Variants in AGAP2 observed in about 807,000 individuals in gnomAD.
AGAP2 encodes the protein arf-GAP with GTPase, ANK repeat and PH domain-containing protein 2.
A neutral mutation model predicts 110.9 loss-of-function variants in AGAP2; 32 were observed. That is an observed-to-expected ratio of 0.29 (90% CI 0.22 to 0.39). The LOEUF is 0.39. AGAP2 is among the 10% of genes least tolerant of loss of function. The probability of loss-of-function intolerance (pLI) is 1.00; values close to 1 mark genes in which losing one functional copy is unlikely to be tolerated. For synonymous variants in AGAP2, 702 were observed against 713.0 expected (o/e 0.98, Z 0.25); for missense variants, 1,285 against 1,638.5 (o/e 0.78, Z 3.72).
Position 57,734,635 on chromosome 12 carries a change from G to A in AGAP2, c.1272C>T (p.His424=). ...CCTGGTATGAGCCAGTCAGGAATCG[G>A]TGGATGAGCGATGACTTCCCACTCC... The part of the protein sequence containing the change: ...DARSGKSSLI[H]RFLTGSYQVL... Residue 424 remains histidine, a synonymous_variant, in exon 3 of 19, where the codon CAC becomes CAT. Transcript: ENST00000547588. 2 of 1,614,194 alleles carry A rather than the reference G, an allele frequency of 1.2e-6. No homozygotes were observed. Among genetic ancestry groups the A allele is most frequent in the East Asian group, 2.2e-5 (1 of 44,886 alleles).
At chr12:57,741,730 G>A (rs1253831441), upstream of AGAP2, among the ~76,000 whole-genome samples, 1 of 152,152 alleles carries the variant, frequency 6.6e-6, no homozygotes, top group Non-Finnish European at 1.5e-5. Flanking sequence ...ATCAGAGCAG[G>A]GAAAGAGAAA....
At position 57,731,674 on chromosome 12, in the gene AGAP2, G is replaced by A. The variant is rs752554800; in HGVS notation, c.1954-32C>T. ...TGGTTATTGGAATCAGTTTGAGGAT[G>A]GATAGAGGGATACACTGATGTGACG... On this transcript the variant is annotated intron_variant, in intron 8 of 18. Transcript: ENST00000547588. 2.5e-6 allele frequency: 4 copies of A among 1,612,898 alleles called. No homozygotes were observed. In the East Asian group the frequency reaches 6.7e-5, roughly 27 times the overall value.
intron 13 of AGAP2, 61 bp from the exon 14 acceptor site, chr12:57,728,438 C>T: frequency 6.4e-7 from 1 of 1,558,648 alleles, no homozygotes; most frequent in Middle Eastern, 1.7e-4. Context: ...GAAAGAGAGA[C>T]CAAGAAAGAA....
At chr12:57,728,527 G>C in intron 13 of AGAP2, 150 bp from the exon 14 acceptor site, 1 of 821,436 alleles carries the variant, frequency 1.2e-6, no homozygotes, top group East Asian at 2.6e-5. Flanking sequence ...AGACAGATGG[G>C]GAGAGAAAGC....
chr12:57,737,969 A>C lies in AGAP2; in HGVS notation c.278T>G (p.Leu93Arg). ...AGTGGAEPPA[L>R]SPAPASPARP... is the part of the protein sequence containing the mutation. ...GGCCGGACTGGCCGGAGCCGGGGACAGGGCTGGGGGCTCCGCGCCCCCGGT... is the reference window on the plus strand; with the variant it reads ...GGCCGGACTGGCCGGAGCCGGGGACCGGGCTGGGGGCTCCGCGCCCCCGGT... Residue 93 changes from leucine (L) to arginine (R), a missense_variant, in exon 1 of 19, where the codon CTG becomes CGG. Leu to Arg is a moderately radical substitution (Grantham distance 102, BLOSUM62 -2). Coordinates refer to ENST00000547588, the MANE Select transcript of AGAP2 (RefSeq NM_001122772.3). The surrounding 1 kb of genome is among the most constrained non-coding windows in gnomAD (Gnocchi z 5.9). The C allele has an allele frequency of 7.1e-7, 1 of 1,411,466 alleles. No individual in the cohort carries two copies. Among genetic ancestry groups the C allele is most frequent in the Non-Finnish European group, 9.2e-7 (1 of 1,092,248 alleles). The allele number at this position is 1,411,466 out of a possible 1,614,324, so 87.4% of individuals were successfully genotyped here. A position where few individuals can be genotyped will look rare whatever the true frequency, so the allele number is the denominator to read the frequency against.
At chr12:57,733,986 G>A (rs773665670) in intron 5 of AGAP2, 40 bp downstream of exon 5, 2 of 1,526,008 alleles carry the variant, frequency 1.3e-6, no homozygotes, top group Non-Finnish European at 1.8e-6. Context: ...GCCTCCTTAG[G>A]GCCTCCCTTG....
In AGAP2 at chr12:57,727,161, G is replaced by C. The variant is rs755112486; in HGVS notation, c.3149C>G (p.Ser1050Trp). The C allele has an allele frequency of 2.5e-6, 4 of 1,607,800 alleles. No homozygotes were observed. In the Admixed American group the frequency reaches 6.8e-5, roughly 27 times the overall value. The change falls in exon 18 of 19, where the codon TCG becomes TGG. Residue 1050 changes from serine (S) to tryptophan (W), a missense_variant. By Grantham distance (177) the Ser-to-Trp change is radical (BLOSUM62 -3). This residue lies in a region of AGAP2 where 201 missense variants were observed against 276.1 expected (regional missense o/e 0.73). Transcript: ENST00000547588. ...QLLFLAPLST[S>W]EEPLGRQLWA... is the part of the protein sequence containing the mutation. ...CAGCTGGCGGCCCAGCGGCTCCTCCGAGGTGCTCAGCGGCGCCAGGAACAG... is the reference window on the plus strand; with the variant it reads ...CAGCTGGCGGCCCAGCGGCTCCTCCCAGGTGCTCAGCGGCGCCAGGAACAG...
rs1954764376 is a variant in AGAP2 at position 57,726,498 on chromosome 12, G to T, written c.*54C>A. On this transcript the variant is annotated 3_prime_UTR_variant, in exon 19 of 19. Transcript: ENST00000547588. This position sits in a 1 kb window ranked among gnomAD's most constrained non-coding sequence, Gnocchi z 5.7. Reference sequence around the variant, plus strand: ...GGTGCGTCTGTCCAGCGGTCCGCCCGGTGTGGTCGTGCCCGGCCCGCGTGG... The same window carrying T: ...GGTGCGTCTGTCCAGCGGTCCGCCCTGTGTGGTCGTGCCCGGCCCGCGTGG... 7.7e-6 allele frequency: 9 copies of T among 1,175,326 alleles called. No individual in the cohort carries two copies. The highest frequency in any genetic ancestry group is 8.3e-5 in the South Asian group (2 of 24,024). The allele number at this position is 1,175,326 out of a possible 1,614,324, so 72.8% of individuals were successfully genotyped here. A position where few individuals can be genotyped will look rare whatever the true frequency, so the allele number is the denominator to read the frequency against.
At chr12:57,729,043 G>A (rs1468608977) in intron 13 of AGAP2, among the ~76,000 whole-genome samples, 1 of 151,942 alleles carries the variant, frequency 6.6e-6, no homozygotes, top group Admixed American at 6.6e-5. Context: ...GGGCATGGTG[G>A]CAAGTGCCTG....
chr12:57,726,562 G>A lies in AGAP2; in HGVS notation c.3569C>T (p.Ala1190Val). Reference sequence around the variant, plus strand: ...TCTCCCGCTGGGCAACTATACCAGCGCAACCGGGGCGTCGGCGCGGCCCAC... The same window carrying A: ...TCTCCCGCTGGGCAACTATACCAGCACAACCGGGGCGTCGGCGCGGCCCAC... ...ASVGRADAPV[A>V]LV Residue 1190 changes from alanine (A) to valine (V), a missense_variant, in exon 19 of 19, where the codon GCG (alanine) becomes GTG (valine). Ala to Val is a moderately conservative substitution (Grantham distance 64). Coordinates refer to ENST00000547588, the MANE Select transcript of AGAP2 (RefSeq NM_001122772.3). The surrounding 1 kb of genome is among the most constrained non-coding windows in gnomAD (Gnocchi z 5.7). The A allele has an allele frequency of 8.3e-7, 1 of 1,211,286 alleles. No individual in the cohort carries two copies. The highest frequency in any genetic ancestry group is 3.5e-5 in the East Asian group (1 of 28,934). The allele number at this position is 1,211,286 out of a possible 1,614,324, so 75.0% of individuals were successfully genotyped here.
chr12:57,731,512 A>C, intron 9 of AGAP2, 42 bp from the exon 10 acceptor site: 3 of 1,613,936 alleles, frequency 1.9e-6, no homozygotes, highest in Non-Finnish European at 2.5e-6. Flanking sequence ...AAAGCCAACT[A>C]AGACCAGCTG....
In AGAP2 at chr12:57,737,533, G is replaced by A; in HGVS notation, c.714C>T (p.Ala238=). Residue 238 remains alanine (A), a synonymous_variant, in exon 1 of 19, where the codon GCC becomes GCT. Coordinates refer to ENST00000547588, the MANE Select transcript of AGAP2 (RefSeq NM_001122772.3). The surrounding 1 kb of genome is among the most constrained non-coding windows in gnomAD (Gnocchi z 5.9). ...AGTGASVSAA[A]TAAAAGGGGS... is the part of the protein sequence containing the mutation. ...CCCCTCCCCCGGCGGCGGCGGCGGT[G>A]GCGGCGGCAGAGACCGAAGCTCCAG... The A allele has an allele frequency of 1.9e-6, 3 of 1,561,418 alleles. No homozygotes were observed. The highest frequency in any genetic ancestry group is 2.6e-6 in the Non-Finnish European group (3 of 1,153,364).
chr12:57,733,120 G>A, intron 5 of AGAP2, 141 bp from the exon 6 acceptor site: 1 of 1,129,884 alleles, frequency 8.9e-7, no homozygotes, highest in Non-Finnish European at 1.3e-6. Flanking sequence ...CTGTGACCAG[G>A]TGGAATGGGA....
chr12:57,728,202 A>G (rs537887371), intron 14 of AGAP2, 116 bp downstream of exon 14: 6 of 1,507,504 alleles, frequency 4.0e-6, no homozygotes, highest in South Asian at 1.2e-5. Context: ...CAGTGGGGGT[A>G]GGGAAAGCAG....
At chr12:57,741,277 A>T (rs1388552388), upstream of AGAP2, among the ~76,000 whole-genome samples, 1 of 152,088 alleles carries the variant, frequency 6.6e-6, no homozygotes, top group East Asian at 1.9e-4. Context: ...GGCACTAAGG[A>T]GGTAGAGCGG....
At position 57,727,070 on chromosome 12, in the gene AGAP2, C is replaced by T. The variant is rs757551427; in HGVS notation, c.3240G>A (p.Gly1080=). 48 of 1,597,150 alleles carry T rather than the reference C, an allele frequency of 3.0e-5. No individual in the cohort carries two copies. Among genetic ancestry groups the T allele is most frequent in the Non-Finnish European group, 3.6e-5 (42 of 1,172,850 alleles). ...VLLLLAHARH[G]PLDTSVEDPQ... Reference sequence around the variant, plus strand: ...GGTCCTCTACGCTGGTGTCGAGCGGCCCGTGTCGCGCATGGGCCAAAAGCA... The same window carrying T: ...GGTCCTCTACGCTGGTGTCGAGCGGTCCGTGTCGCGCATGGGCCAAAAGCA... Residue 1080 remains glycine, a synonymous_variant, in exon 18 of 19, where the codon GGG becomes GGA. Coordinates refer to ENST00000547588, the MANE Select transcript of AGAP2 (RefSeq NM_001122772.3).
upstream of AGAP2, chr12:57,741,863 A>C (rs1396800893): frequency 6.3e-7 from 1 of 1,592,432 alleles, no homozygotes; most frequent in Non-Finnish European, 8.6e-7. Flanking sequence ...CCTTCTATGC[A>C]CCTGCTAGTC....
At chr12:57,733,245 G>A (rs981610145) in intron 5 of AGAP2, among the ~76,000 whole-genome samples, 2 of 151,948 alleles carry the variant, frequency 1.3e-5, no homozygotes, top group East Asian at 1.9e-4. Context: ...CTGCTGAGTG[G>A]TGCTTCCTGA....
At chr12:57,736,827 C>A (rs1389638974) in intron 1 of AGAP2, among the ~76,000 whole-genome samples, 2 of 152,186 alleles carry the variant, frequency 1.3e-5, no homozygotes, top group African/African-American at 4.8e-5. Context: ...TGATCAAGGA[C>A]GTTACTTTCC....
Sources: gnomAD v4.1 joint callset for allele counts (sites outside exome capture counted in the v4.1 genomes callset) on GRCh38, gnomAD v4.1.1 for gene constraint, gnomAD v4.1.1 regional missense constraint, Gnocchi (gnomAD v3.1) non-coding constraint, MANE v1.5 for transcripts, NCBI Gene and HGNC (gene_info 2026-07-23, HGNC 2026-07-21) for gene names.